IL1RAPL1: variants seen among roughly 807,000 people sequenced by gnomAD.
The protein encoded by IL1RAPL1 is interleukin 1 receptor accessory protein like 1.
A neutral mutation model predicts 48.4 loss-of-function variants in IL1RAPL1; 3 were observed. The observed-to-expected ratio is 0.06, with a 90% confidence interval of 0.03 to 0.16. The LOEUF is 0.16. Ranked by LOEUF, IL1RAPL1 falls within the 10% of genes least tolerant of loss-of-function variation. The pLI is 1.00. For synonymous variants in IL1RAPL1, 185 were observed against 187.7 expected, an observed-to-expected ratio of 0.99 and a Z score of 0.12; for missense variants, 349 against 530.6, an observed-to-expected ratio of 0.66 and a Z score of 3.36.
chrX:28,788,744 A>T (rs1304532953), intron 1 of IL1RAPL1, among the ~76,000 whole-genome samples: 1 of 110,258 alleles, frequency 9.1e-6, no homozygotes, highest in Non-Finnish European at 1.9e-5. Context: ...CTGAGATTAC[A>T]GTCATGAGCC....
chrX:29,002,619 A>C (rs1404942338), intron 2 of IL1RAPL1, among the ~76,000 whole-genome samples: 1 of 111,308 alleles, frequency 9.0e-6, no homozygotes, highest in African/African-American at 3.3e-5. Flanking sequence ...TTTTTACTTA[A>C]GAGTTTTAAA....
At chrX:29,071,649 C>T in intron 2 of IL1RAPL1, among the ~76,000 whole-genome samples, 1 of 111,439 alleles carries the variant, frequency 9.0e-6, no homozygotes, top group Non-Finnish European at 1.9e-5. Context: ...TCTTCTTATC[C>T]CCTATAGTAT....
At chrX:29,589,312 A>G (rs764714258) in intron 5 of IL1RAPL1, among the ~76,000 whole-genome samples, 23 of 111,672 alleles carry the variant, frequency 2.1e-4, no homozygotes, top group Non-Finnish European at 3.4e-4. Flanking sequence ...CATGCATTCA[A>G]TGTATTCATA....
At chrX:29,687,510 T>A (rs1926657138) in intron 6 of IL1RAPL1, among the ~76,000 whole-genome samples, 1 of 110,783 alleles carries the variant, frequency 9.0e-6, no homozygotes, top group Non-Finnish European at 1.9e-5. Context: ...GGTAGGAAGA[T>A]GGGGAGGGGT....
chrX:29,532,364 G>A (rs1357266865), intron 5 of IL1RAPL1, among the ~76,000 whole-genome samples: 2 of 112,102 alleles, frequency 1.8e-5, no homozygotes, highest in African/African-American at 6.5e-5. Flanking sequence ...TTTGGCTTTG[G>A]TGTCCTCTGA....
rs1382536613 is a variant in IL1RAPL1, at chrX:28,639,583, A to G, written c.-25+51536A>G. 3.6e-5 allele frequency among the ~76,000 whole-genome samples: 4 copies of G among 111,936 alleles called. No individual in the cohort carries two copies. In the East Asian group the frequency reaches 1.1e-3, roughly 31 times the overall value. ...CTTAAATTCTGTCTTAACTTGAAGG[A>G]TCTCAGAAGCAGACTCTGAGCCAGG... On this transcript the variant is annotated intron_variant, in intron 1 of 10. Coordinates refer to ENST00000378993, the MANE Select transcript of IL1RAPL1 (RefSeq NM_014271.4).
intron 1 of IL1RAPL1, among the ~76,000 whole-genome samples, chrX:28,742,016 C>T (rs1380192399): frequency 1.8e-5 from 2 of 110,917 alleles, no homozygotes; most frequent in Non-Finnish European, 1.9e-5. Flanking sequence ...ATTAGATTGG[C>T]GTAAGTGAAC....
At chrX:28,637,385 A>G (rs894440485) in intron 1 of IL1RAPL1, among the ~76,000 whole-genome samples, 3 of 111,836 alleles carry the variant, frequency 2.7e-5, no homozygotes, top group Non-Finnish European at 5.6e-5. Context: ...ACTTTCTGTG[A>G]TATTTTCAAT....
At chrX:28,806,457 AAGAGC>A (rs1334475890) in intron 2 of IL1RAPL1, among the ~76,000 whole-genome samples, 43 of 111,645 alleles carry the variant, frequency 3.9e-4, no homozygotes, top group African/African-American at 1.1e-3. Flanking sequence ...TCCATGAAGG[AAGAGC>A]AGATACACAA....
At chrX:29,787,181 A>C in intron 6 of IL1RAPL1, among the ~76,000 whole-genome samples, 1 of 111,432 alleles carries the variant, frequency 9.0e-6, no homozygotes, top group East Asian at 2.8e-4. Context: ...ATAGCTGGGG[A>C]ACATTCTCAT....
At chrX:29,359,407 CT>C (rs1602193220) in intron 3 of IL1RAPL1, among the ~76,000 whole-genome samples, 1 of 111,886 alleles carries the variant, frequency 8.9e-6, no homozygotes, top group African/African-American at 3.3e-5. Flanking sequence ...CAGTCTATCA[CT>C]GTCAGTGATT....
At chrX:29,661,251 C>T (rs1353874343) in intron 5 of IL1RAPL1, among the ~76,000 whole-genome samples, 2 of 112,202 alleles carry the variant, frequency 1.8e-5, no homozygotes, top group Admixed American at 1.9e-4. Context: ...TGTATAAGAT[C>T]GTGTCATCAG....
chrX:28,903,532 C>T lies in IL1RAPL1; in HGVS notation c.82+114107C>T, dbSNP rs145361268. The stretch of plus-strand genomic sequence containing the variant: ...CATTGACATCTACCACATGTCCACA[C>T]GGCATTTCGTTCTTCTGCATGTAGT... On this transcript the variant is annotated intron_variant, in intron 2 of 10. Transcript: ENST00000378993. Among the ~76,000 whole-genome samples the T allele has an allele frequency of 6.0e-3, 655 of 109,693 alleles. 5 individuals carry two copies. Among genetic ancestry groups the T allele is most frequent in the African/African-American group, 0.02 (611 of 30,105 alleles).
rs1933481195 is a variant in IL1RAPL1 at position 29,367,555 on chromosome X, TA to T, written c.363-28702del. On this transcript the variant is annotated intron_variant, in intron 3 of 10. Transcript: ENST00000378993. The stretch of plus-strand genomic sequence containing the variant: ...GAGCAAAAGGGCTTCTATTTATTTT[TA>T]TTTATTTATTTATTTATTTATTTAT... Among the ~76,000 whole-genome samples, 4 of 82,537 alleles carry T rather than the reference TA, an allele frequency of 4.8e-5. No homozygotes were observed. The East Asian group carries it at 1.6e-3, about 33-fold the overall frequency. 71.7% of individuals were successfully genotyped at this position (82,537 alleles called of 115,157 possible).
intron 2 of IL1RAPL1, among the ~76,000 whole-genome samples, chrX:29,066,767 G>T (rs938682719): frequency 8.9e-5 from 10 of 112,143 alleles, no homozygotes; most frequent in Non-Finnish European, 1.9e-5. Context: ...TTGGGTGGAG[G>T]AGGGGAGCTC....
chrX:29,270,457 T>C (rs938255952), intron 2 of IL1RAPL1, among the ~76,000 whole-genome samples: 2 of 112,157 alleles, frequency 1.8e-5, no homozygotes, highest in African/African-American at 6.5e-5. Context: ...TTGTTTACAG[T>C]AGAATGTATG....
chrX:28,898,431 G>A (rs937808083), intron 2 of IL1RAPL1, among the ~76,000 whole-genome samples: 2 of 111,411 alleles, frequency 1.8e-5, no homozygotes, highest in East Asian at 5.7e-4. Context: ...TTGAGGTAAT[G>A]TTTGTGTGTG....
At chrX:29,367,859 G>A (rs749741246) in intron 3 of IL1RAPL1, among the ~76,000 whole-genome samples, 6 of 109,788 alleles carry the variant, frequency 5.5e-5, no homozygotes, top group South Asian at 3.8e-4. Context: ...GATTACAGGC[G>A]TGAACCACCA....
At chrX:29,076,778 A>ATCTGTCTG (rs1175863903) in intron 2 of IL1RAPL1, among the ~76,000 whole-genome samples, 7 of 95,403 alleles carry the variant, frequency 7.3e-5, no homozygotes, top group Non-Finnish European at 1.0e-4. Context: ...AGATCTATCT[A>ATCTGTCTG]TCTGTCTGTC....
Sources: gnomAD v4.1 joint callset for allele counts (sites outside exome capture counted in the v4.1 genomes callset) on GRCh38, gnomAD v4.1.1 for gene constraint, MANE v1.5 for transcripts, NCBI Gene and HGNC (gene_info 2026-07-23, HGNC 2026-07-21) for gene names.